MED23: variants seen among roughly 807,000 people sequenced by gnomAD.
MED23 encodes mediator of RNA polymerase II transcription subunit 23.
Under a neutral mutation model 163.9 loss-of-function variants are expected in MED23, and 105 were observed. That is an observed-to-expected ratio of 0.64 (90% confidence interval 0.55 to 0.75). The LOEUF is 0.75. Ranked by LOEUF, MED23 falls within the 30% of genes least tolerant of loss-of-function variation. The pLI is 0.00. For missense variants in MED23, 1,054 were observed against 1,649.0 expected (o/e 0.64, Z 6.25); for synonymous variants, 561 against 565.6 (o/e 0.99, Z 0.12).
At chr6:131,623,662 T>C (rs990806048) in intron 4 of MED23, among the ~76,000 whole-genome samples, 200 bp from the exon 5 acceptor site, 1 of 152,220 alleles carries the variant, frequency 6.6e-6, no homozygotes, top group Admixed American at 6.5e-5. Flanking sequence ...AGTGAGTTAG[T>C]TCTCACAAGA....
rs1774738829 is a variant in MED23 at position 131,592,737 on chromosome 6, G to A, written c.3398+269C>T. On this transcript the variant is annotated intron_variant, in intron 24 of 28. Transcript: ENST00000368068. ...TTGAAAACAAGATGAAGAGAATCTT[G>A]TTTTAAGTGACAAGTTAACATTATT... is the stretch of plus-strand genomic sequence containing the variant. 4 of 600,340 alleles carry A rather than the reference G, an allele frequency of 6.7e-6. No homozygotes were observed. In the South Asian group the frequency reaches 8.2e-5, roughly 12 times the overall value. The allele number at this position is 600,340 out of a possible 1,614,324, so 37.2% of individuals were successfully genotyped here.
chr6:131,621,586 G>A (rs556395597), intron 6 of MED23, among the ~76,000 whole-genome samples: 5 of 152,220 alleles, frequency 3.3e-5, no homozygotes, highest in South Asian at 4.1e-4. Flanking sequence ...CAATTCTTGC[G>A]ATACTAGTTA....
At chr6:131,583,543 A>ATATT, downstream of MED23, 2 of 1,548,784 alleles carry the variant, frequency 1.3e-6, no homozygotes, top group Non-Finnish European at 1.7e-6. Context: ...TGACTAATAT[A>ATATT]TATTTATACC....
Position 131,593,286 on chromosome 6 carries a change from C to T in MED23, c.3233-115G>A. The stretch of plus-strand genomic sequence containing the variant: ...GCTTAGAGAGATTAAGAGGCAAATG[C>T]AAACCAAATACAAATGAGTTTGACA... On this transcript the variant is annotated intron_variant, in intron 23 of 28. Transcript: ENST00000368068. The T allele has an allele frequency of 3.3e-6, 4 of 1,223,826 alleles. No homozygotes were observed. In the South Asian group the frequency reaches 5.1e-5, roughly 16 times the overall value. 75.8% of individuals were successfully genotyped at this position (1,223,826 alleles called of 1,614,324 possible). A position where few individuals can be genotyped will look rare whatever the true frequency, so the allele number is the denominator to read the frequency against.
In MED23 at chr6:131,587,826, G is replaced by A; in HGVS notation, c.3960C>T (p.Asn1320=). 6.2e-7 allele frequency: 1 copy of A among 1,613,474 alleles called. No individual in the cohort carries two copies. Among genetic ancestry groups the A allele is most frequent in the South Asian group, 1.1e-5 (1 of 90,994 alleles). Residue 1320 remains asparagine (N), a synonymous_variant, in exon 29 of 29, where the codon AAC becomes AAT. Coordinates refer to ENST00000368068, the MANE Select transcript of MED23 (RefSeq NM_004830.4). The part of the protein sequence containing the change: ...VKEQVEKIIC[N]LKPALKLRLR... ...GACGAAGTTTTAAAGCTGGTTTTAA[G>A]TTACAGATAATCTTCTCTACCTAAG...
In MED23 at chr6:131,606,576, CA is replaced by C; in HGVS notation, c.1269del (p.Phe423LeufsTer3). Reference protein sequence around the residue: ...DINKPQSTHAFAMTCIWIHLN... With the variant: ...DINKPQSTHAXAMTCIWIHLN... ...AGATGAATCCAAATACAGGTCATTGCAAAGGCATGGGTTGACTGGGGTTTGT... is the reference window on the plus strand; with the variant it reads ...AGATGAATCCAAATACAGGTCATTGCAAGGCATGGGTTGACTGGGGTTTGT... On this transcript the variant is annotated frameshift_variant, in exon 13 of 29. Transcript: ENST00000368068. LOFTEE classifies it high-confidence loss of function. The C allele has an allele frequency of 6.2e-7, 1 of 1,613,244 alleles. No homozygotes were observed. Among genetic ancestry groups the C allele is most frequent in the Non-Finnish European group, 8.5e-7 (1 of 1,179,424 alleles).
exon 31 of MED23, chr6:131,574,258 CTT>C: frequency 6.2e-7 from 1 of 1,613,876 alleles, no homozygotes; most frequent in Non-Finnish European, 8.5e-7. Flanking sequence ...TTTGCTTCCT[CTT>C]AATTTGGAAC....
At chr6:131,608,168 A>C (rs1474293304) in intron 11 of MED23, 97 bp from the exon 12 acceptor site, 8 of 1,358,894 alleles carry the variant, frequency 5.9e-6, no homozygotes, top group African/African-American at 2.0e-5. Flanking sequence ...TTTAAGGAGA[A>C]ACCTGGTTCT....
chr6:131,606,617 GGGATA>G lies in MED23; in HGVS notation c.1224_1228del (p.Ile409SerfsTer3). On this transcript the variant is annotated frameshift_variant and splice_region_variant, in exon 13 of 29. Coordinates refer to ENST00000368068, the MANE Select transcript of MED23 (RefSeq NM_004830.4). LOFTEE classifies it high-confidence loss of function. ...CTGGGGTTTGTTAATATCAGGAACT[GGGATA>G]TACTGAAAAATAACAATTTGAAAAA... is the stretch of plus-strand genomic sequence containing the variant. The G allele has an allele frequency of 6.2e-7, 1 of 1,608,174 alleles. No homozygotes were observed. The highest frequency in any genetic ancestry group is 8.5e-7 in the Non-Finnish European group (1 of 1,175,028).
intron 11 of MED23, among the ~76,000 whole-genome samples, chr6:131,609,692 T>A (rs1776129486): frequency 6.8e-6 from 1 of 147,610 alleles, no homozygotes; most frequent in East Asian, 2.0e-4. Flanking sequence ...TGTATGTATA[T>A]ACATACATAT....
At chr6:131,618,625 GT>G (rs112429298) in intron 8 of MED23, 106 bp from the exon 9 acceptor site, 9 of 759,004 alleles carry the variant, frequency 1.2e-5, no homozygotes, top group African/African-American at 7.0e-5. Flanking sequence ...CATTGGTTTG[GT>G]TTAAAAATGG....
At chr6:131,613,284 T>C (rs1323093525) in intron 10 of MED23, among the ~76,000 whole-genome samples, 1 of 152,160 alleles carries the variant, frequency 6.6e-6, no homozygotes, top group Non-Finnish European at 1.5e-5. Flanking sequence ...ATAAAAAAGA[T>C]TTTTCCATTG....
At chr6:131,620,831 T>C in intron 6 of MED23, 102 bp from the exon 7 acceptor site, 2 of 646,442 alleles carry the variant, frequency 3.1e-6, no homozygotes, top group East Asian at 3.1e-5. Context: ...AGACAGGGTC[T>C]TGCTCTGTTG....
chr6:131,607,663 G>A (rs1385992063), intron 12 of MED23, among the ~76,000 whole-genome samples: 1 of 152,102 alleles, frequency 6.6e-6, no homozygotes, highest in African/African-American at 2.4e-5. Flanking sequence ...GGGACATACT[G>A]AGGCTCAACT....
chr6:131,582,664 C>T, downstream of MED23: 1 of 1,613,892 alleles, frequency 6.2e-7, no homozygotes, highest in Non-Finnish European at 8.5e-7. Flanking sequence ...CCCTGTATAT[C>T]TGCCAAGGAT....
At chr6:131,627,758 G>A in intron 1 of MED23, 86 bp from the exon 2 acceptor site, 1 of 1,285,730 alleles carries the variant, frequency 7.8e-7, no homozygotes, top group Non-Finnish European at 1.1e-6. Flanking sequence ...GTAACACAGG[G>A]CAAGTCACCT....
chr6:131,584,812 AAAAT>A (rs1042892617), downstream of MED23, among the ~76,000 whole-genome samples: 1 of 128,494 alleles, frequency 7.8e-6, no homozygotes, highest in African/African-American at 3.0e-5. Flanking sequence ...ATCACTACAA[AAAAT>A]ACACACACAC....
In MED23 at chr6:131,627,418, T is replaced by C; in HGVS notation, c.137A>G (p.Gln46Arg). The part of the protein sequence containing the change: ...KLISCLGAFR[Q>R]FWGGLSQESH... ...CACCTGAGAAAGACCACCCCAAAACTGTCTGAAGGCCCCCAAACAGCTAAT... is the reference window on the plus strand; with the variant it reads ...CACCTGAGAAAGACCACCCCAAAACCGTCTGAAGGCCCCCAAACAGCTAAT... The change falls in exon 3 of 29, where the codon CAG (glutamine) becomes CGG (arginine). Residue 46 changes from glutamine (Q) to arginine (R), a missense_variant. Gln to Arg is a conservative substitution (Grantham distance 43). Coordinates refer to ENST00000368068, the MANE Select transcript of MED23 (RefSeq NM_004830.4). 5 of 1,613,252 alleles carry C rather than the reference T, an allele frequency of 3.1e-6. No homozygotes were observed. The highest frequency in any genetic ancestry group is 4.2e-6 in the Non-Finnish European group (5 of 1,179,870).
intron 27 of MED23, 108 bp from the exon 28 acceptor site, chr6:131,589,704 G>T: frequency 3.0e-6 from 3 of 1,010,394 alleles, no homozygotes; most frequent in Non-Finnish European, 3.1e-6. Context: ...TACTGTCTTT[G>T]CTGTAGAACT....
Sources: allele counts gnomAD v4.1 joint callset (sites outside exome capture counted in the v4.1 genomes callset), GRCh38; gene constraint gnomAD v4.1.1; transcripts MANE v1.5; gene names NCBI Gene and HGNC (gene_info 2026-07-23, HGNC 2026-07-21).